Variants in LAMA2 observed in about 807,000 individuals in gnomAD.
LAMA2 encodes the protein laminin subunit alpha-2.
Under a neutral mutation model 364.8 loss-of-function variants are expected in LAMA2, and 269 were observed. That is an observed-to-expected ratio of 0.74 (90% CI 0.67 to 0.82). The LOEUF is 0.82. Ranked by LOEUF, LAMA2 falls within the 40% of genes least tolerant of loss-of-function variation. LAMA2 has a pLI of 0.00. For missense variants in LAMA2, 3,807 were observed against 3,873.2 expected (o/e 0.98, Z 0.45); for synonymous variants, 1,379 against 1,370.6 (o/e 1.01, Z -0.14).
At chr6:129,380,953 A>G (rs546383541) in intron 34 of LAMA2, among the ~76,000 whole-genome samples, 1 of 152,238 alleles carries the variant, frequency 6.6e-6, no homozygotes, top group African/African-American at 2.4e-5. Flanking sequence ...AAGACAATGA[A>G]TATGATCTTG....
chr6:128,886,731 C>T, intron 1 of LAMA2, among the ~76,000 whole-genome samples: 1 of 152,168 alleles, frequency 6.6e-6, no homozygotes, highest in Non-Finnish European at 1.5e-5. Context: ...AAGAACATGA[C>T]AAACAACCAG....
intron 51 of LAMA2, 80 bp downstream of exon 51, chr6:129,465,369 C>T: frequency 8.2e-7 from 1 of 1,223,484 alleles, no homozygotes; most frequent in East Asian, 2.4e-5. Flanking sequence ...AAGAGGAAGG[C>T]TCCGTCTATA....
intron 19 of LAMA2, among the ~76,000 whole-genome samples, chr6:129,290,883 A>G (rs961302981): frequency 6.6e-6 from 1 of 152,328 alleles, no homozygotes; most frequent in Non-Finnish European, 1.5e-5. Context: ...ACTGTAAAAT[A>G]AAAGTGATTC....
intron 2 of LAMA2, among the ~76,000 whole-genome samples, chr6:129,057,895 A>G (rs1198449225): frequency 6.6e-6 from 1 of 152,062 alleles, no homozygotes; most frequent in African/African-American, 2.4e-5. Context: ...GTTCTAATCT[A>G]AAAGGTCATT....
rs137856112 is a variant in LAMA2, at chr6:129,266,336, A to G, written c.2209-770A>G. ...AGCAGGCACTGACACAGGGAATCTA[A>G]GACTAAAATACCCTGTTTTAATCAG... On this transcript the variant is annotated intron_variant, in intron 15 of 64. Coordinates refer to ENST00000421865, the MANE Select transcript of LAMA2 (RefSeq NM_000426.4). 8.7e-3 allele frequency among the ~76,000 whole-genome samples: 1,332 copies of G among 152,252 alleles called. 18 individuals are homozygous for G. Among genetic ancestry groups the G allele is most frequent in the Middle Eastern group, 0.037 (11 of 294 alleles).
intron 45 of LAMA2, 106 bp downstream of exon 45, chr6:129,445,927 T>C: frequency 8.5e-7 from 1 of 1,171,878 alleles, no homozygotes; most frequent in Non-Finnish European, 1.3e-6. Flanking sequence ...CTTGGGTCCT[T>C]TTCCTTTAAC....
intron 55 of LAMA2, among the ~76,000 whole-genome samples, chr6:129,482,796 C>T (rs1425808986): frequency 3.3e-5 from 5 of 152,270 alleles, no homozygotes; most frequent in East Asian, 1.9e-4. Flanking sequence ...CACAGTGGCT[C>T]ACGCCTGTAA....
In LAMA2 at chr6:129,078,436, A is replaced by T. The variant is rs537657632; in HGVS notation, c.396+18540A>T. ...AGGTATGAGCCACTGCACCTGGCCA[A>T]AATCTCTGTATCTTCCTTTCAATTT... is the stretch of plus-strand genomic sequence containing the variant. On this transcript the variant is annotated intron_variant, in intron 3 of 64. Transcript: ENST00000421865. 1.3e-3 allele frequency among the ~76,000 whole-genome samples: 194 copies of T among 152,120 alleles called. 1 individual carries two copies. The highest frequency in any genetic ancestry group is 4.3e-3 in the African/African-American group (178 of 41,530).
intron 53 of LAMA2, among the ~76,000 whole-genome samples, chr6:129,477,024 G>T (rs1401125709): frequency 6.6e-6 from 1 of 152,030 alleles, no homozygotes; most frequent in South Asian, 2.1e-4. Context: ...TGGCATCATG[G>T]GACAATGAGG....
chr6:129,318,203 A>T (rs1774731424), intron 27 of LAMA2, among the ~76,000 whole-genome samples: 1 of 152,200 alleles, frequency 6.6e-6, no homozygotes, highest in Non-Finnish European at 1.5e-5. Context: ...AAATCTCAAA[A>T]GCAGAGAGTT....
intron 41 of LAMA2, among the ~76,000 whole-genome samples, chr6:129,430,759 C>A (rs1012829041): frequency 2.0e-5 from 3 of 152,102 alleles, no homozygotes; most frequent in Non-Finnish European, 4.4e-5. Context: ...GGGAGAATAA[C>A]TTGAGCCCAG....
At chr6:129,358,336 T>G (rs1777270622) in intron 32 of LAMA2, among the ~76,000 whole-genome samples, 1 of 152,042 alleles carries the variant, frequency 6.6e-6, no homozygotes, top group Non-Finnish European at 1.5e-5. Flanking sequence ...ATTAAGGAGT[T>G]GCACAGTTGA....
chr6:128,916,890 AGGCAGAT>A (rs1282733601), intron 1 of LAMA2, among the ~76,000 whole-genome samples: 1 of 152,208 alleles, frequency 6.6e-6, no homozygotes, highest in Non-Finnish European at 1.5e-5. Flanking sequence ...ATAAGTTATA[AGGCAGAT>A]GGTAAGATTG....
rs764781327 is a variant in LAMA2 at position 129,049,956 on chromosome 6, C to T, written c.151C>T (p.Leu51Phe). Residue 51 changes from leucine (L) to phenylalanine (F), a missense_variant, in exon 2 of 65, where the codon CTT (leucine) becomes TTT (phenylalanine). By Grantham distance (22) the Leu-to-Phe change is conservative. Coordinates refer to ENST00000421865, the MANE Select transcript of LAMA2 (RefSeq NM_000426.4). Reference sequence around the variant, plus strand: ...TGTCCTGAATCTTGCTTCTAATGCTCTTATCACGACCAATGCAACATGTGG... The same window carrying T: ...TGTCCTGAATCTTGCTTCTAATGCTTTTATCACGACCAATGCAACATGTGG... Reference protein sequence around the residue: ...PAVLNLASNALITTNATCGEK... With the variant: ...PAVLNLASNAFITTNATCGEK... The T allele has an allele frequency of 5.2e-5, 84 of 1,613,892 alleles. No homozygotes were observed. The highest frequency in any genetic ancestry group is 6.8e-5 in the Non-Finnish European group (80 of 1,179,930).
chr6:129,025,785 T>C (rs1311198767), intron 1 of LAMA2, among the ~76,000 whole-genome samples: 1 of 152,222 alleles, frequency 6.6e-6, no homozygotes, highest in East Asian at 1.9e-4. Context: ...AAATTGCATT[T>C]GAAACATTCT....
chr6:129,489,940 A>C (rs529131168), intron 56 of LAMA2, among the ~76,000 whole-genome samples: 10 of 152,192 alleles, frequency 6.6e-5, no homozygotes, highest in African/African-American at 2.4e-4. Flanking sequence ...AAAAAAAAAA[A>C]ATAAAGCTGA....
rs760843515 is a variant in LAMA2, at chr6:129,190,338, A to T, written c.1601A>T (p.Tyr534Phe). The T allele has an allele frequency of 9.3e-6, 15 of 1,613,174 alleles. No individual in the cohort carries two copies. The South Asian group carries it at 1.6e-4, about 18-fold the overall frequency. ...AGATGTCAGAGTTCCTACTGGACCT[A>T]TGGCAAAGTAAGCAAGCACCATTTG... Reference protein sequence around the residue: ...SNRCQSSYWTYGKIQDMSGWY... With the variant: ...SNRCQSSYWTFGKIQDMSGWY... The change falls in exon 11 of 65, where the codon TAT becomes TTT. Residue 534 changes from tyrosine to phenylalanine, a missense_variant. This residue lies in a region of LAMA2 where 3,333 missense variants were observed against 3,345.7 expected (regional missense o/e 1.00). Transcript: ENST00000421865.
intron 60 of LAMA2, among the ~76,000 whole-genome samples, chr6:129,504,050 A>G (rs1253508927): frequency 6.6e-6 from 1 of 152,232 alleles, no homozygotes; most frequent in Non-Finnish European, 1.5e-5. Context: ...CCCTAGGTAG[A>G]CCAATAAAAT....
chr6:128,960,232 A>T (rs970309082), intron 1 of LAMA2, among the ~76,000 whole-genome samples: 1 of 152,042 alleles, frequency 6.6e-6, no homozygotes, highest in African/African-American at 2.4e-5. Flanking sequence ...TAATTATTTA[A>T]CAATGTGTTA....
Sources: allele counts gnomAD v4.1 joint callset (sites outside exome capture counted in the v4.1 genomes callset), GRCh38; gene constraint gnomAD v4.1.1; regional missense constraint gnomAD v4.1.1; transcripts MANE v1.5; gene names NCBI Gene and HGNC (gene_info 2026-07-23, HGNC 2026-07-21).